ZFPM2: variants seen among roughly 807,000 people sequenced by gnomAD.
The protein encoded by ZFPM2 is zinc finger protein, FOG family member 2, also known as zinc finger protein ZFPM2.
A neutral mutation model predicts 98.6 loss-of-function variants in ZFPM2; 20 were observed. The observed-to-expected ratio is 0.20, with a 90% CI of 0.14 to 0.29. ZFPM2 has a LOEUF of 0.29. Among genes scored for constraint, ZFPM2 ranks in the 10% least tolerant of loss-of-function variants. The probability of loss-of-function intolerance (pLI) is 1.00; values close to 1 mark genes in which losing one functional copy is unlikely to be tolerated. For synonymous variants in ZFPM2, 518 were observed against 502.7 expected, an observed-to-expected ratio of 1.03 and a Z score of -0.41; for missense variants, 1,310 against 1,388.6, an observed-to-expected ratio of 0.94 and a Z score of 0.90.
chr8:105,453,617 C>T (rs1023281684), intron 3 of ZFPM2, among the ~76,000 whole-genome samples: 2 of 151,046 alleles, frequency 1.3e-5, no homozygotes, highest in Admixed American at 6.6e-5. Context: ...ATTTTTTTTT[C>T]TGGAGTTTTT....
intron 4 of ZFPM2, among the ~76,000 whole-genome samples, chr8:105,617,614 G>T (rs922123024): frequency 6.6e-6 from 1 of 152,108 alleles, no homozygotes; most frequent in Non-Finnish European, 1.5e-5. Context: ...AGTATAATGT[G>T]ATGAGGCTGT....
At chr8:105,733,158 C>T (rs570361755) in intron 5 of ZFPM2, among the ~76,000 whole-genome samples, 1 of 151,846 alleles carries the variant, frequency 6.6e-6, no homozygotes, top group Non-Finnish European at 1.5e-5. Flanking sequence ...TGCATAAGCA[C>T]TCACACTGTA....
chr8:105,371,600 G>T (rs1472795918), intron 1 of ZFPM2, among the ~76,000 whole-genome samples: 2 of 152,100 alleles, frequency 1.3e-5, no homozygotes, highest in African/African-American at 4.8e-5. Flanking sequence ...ACTCTCAAGT[G>T]GTTATACAAA....
At chr8:105,779,427 T>A (rs1226983164) in intron 5 of ZFPM2, among the ~76,000 whole-genome samples, 1 of 152,200 alleles carries the variant, frequency 6.6e-6, no homozygotes, top group East Asian at 1.9e-4. Context: ...GAAAGAAACA[T>A]GTATAGACAT....
At chr8:105,712,651 A>T (rs1474615003) in intron 5 of ZFPM2, among the ~76,000 whole-genome samples, 1 of 151,936 alleles carries the variant, frequency 6.6e-6, no homozygotes, top group Non-Finnish European at 1.5e-5. Context: ...GCTTCTACTG[A>T]TCCCATCACC....
intron 3 of ZFPM2, among the ~76,000 whole-genome samples, chr8:105,479,820 C>T (rs1322491224): frequency 6.6e-6 from 1 of 152,136 alleles, no homozygotes; most frequent in African/African-American, 2.4e-5. Context: ...ATTGTGACTT[C>T]AGGCTTGGTG....
intron 1 of ZFPM2, among the ~76,000 whole-genome samples, chr8:105,373,744 G>A (rs1810668459): frequency 1.3e-5 from 2 of 152,152 alleles, no homozygotes; most frequent in South Asian, 2.1e-4. Context: ...AAAGAAAAAT[G>A]GAAACTATGT....
At chr8:105,509,043 C>T (rs896187243) in intron 3 of ZFPM2, among the ~76,000 whole-genome samples, 8 of 151,872 alleles carry the variant, frequency 5.3e-5, no homozygotes, top group Non-Finnish European at 7.4e-5. Context: ...TGCAGTAGAG[C>T]GCCGGGCCCA....
At chr8:105,663,895 T>G (rs577853983) in intron 5 of ZFPM2, among the ~76,000 whole-genome samples, 1 of 152,334 alleles carries the variant, frequency 6.6e-6, no homozygotes, top group Non-Finnish European at 1.5e-5. Context: ...GCAAAGGTAA[T>G]TATGAGAAAT....
At chr8:105,759,602 G>A (rs1205088847) in intron 5 of ZFPM2, among the ~76,000 whole-genome samples, 1 of 151,756 alleles carries the variant, frequency 6.6e-6, no homozygotes, top group Non-Finnish European at 1.5e-5. Flanking sequence ...GTGTGTGTGT[G>A]TGTGTGTGTA....
intron 1 of ZFPM2, 82 bp from the exon 2 acceptor site, chr8:105,419,062 C>T: frequency 8.7e-6 from 12 of 1,386,342 alleles, no homozygotes; most frequent in Non-Finnish European, 1.2e-5. Flanking sequence ...ACCACTGTAA[C>T]AAAAAAAGGC....
At chr8:105,535,479 ACATGTAGTCCAT>A (rs1470028469) in intron 3 of ZFPM2, among the ~76,000 whole-genome samples, 1 of 152,208 alleles carries the variant, frequency 6.6e-6, no homozygotes, top group Non-Finnish European at 1.5e-5. Flanking sequence ...CAGGATTTCA[ACATGTAGTCCAT>A]CATATAAATT....
At chr8:105,492,647 T>C (rs926664568) in intron 3 of ZFPM2, among the ~76,000 whole-genome samples, 4 of 152,148 alleles carry the variant, frequency 2.6e-5, no homozygotes, top group African/African-American at 9.7e-5. Flanking sequence ...ACAGCTTTGC[T>C]CAGCTCAAGG....
intron 3 of ZFPM2, among the ~76,000 whole-genome samples, chr8:105,445,084 T>G (rs562563034): frequency 1.3e-5 from 2 of 152,306 alleles, no homozygotes; most frequent in Admixed American, 1.3e-4. Context: ...ATAAGTGAGT[T>G]CTGAGATAGT....
intron 4 of ZFPM2, among the ~76,000 whole-genome samples, chr8:105,562,878 G>A (rs1315280517): frequency 1.3e-5 from 2 of 152,184 alleles, no homozygotes; most frequent in Non-Finnish European, 2.9e-5. Flanking sequence ...AGGTCAGGAT[G>A]TAAACATCTT....
At chr8:105,569,236 A>G (rs1402064553) in intron 4 of ZFPM2, among the ~76,000 whole-genome samples, 1 of 152,084 alleles carries the variant, frequency 6.6e-6, no homozygotes, top group Non-Finnish European at 1.5e-5. Flanking sequence ...TATCCTTCCC[A>G]CTTAGAACAA....
rs1187935482 is a variant in ZFPM2, at chr8:105,588,626, G to T, written c.420+27145G>T. On this transcript the variant is annotated intron_variant, in intron 4 of 7. Coordinates refer to ENST00000407775, the MANE Select transcript of ZFPM2 (RefSeq NM_012082.4). ...CTTCAATCTCAGTGGAAATGATGATGCTGGAATCAAACTTTCAATCTTCTC... is the reference window on the plus strand; with the variant it reads ...CTTCAATCTCAGTGGAAATGATGATTCTGGAATCAAACTTTCAATCTTCTC... Among the ~76,000 whole-genome samples, 10 of 152,264 alleles carry T rather than the reference G, an allele frequency of 6.6e-5. No homozygotes were observed. The East Asian group carries it at 1.9e-3, about 29-fold the overall frequency.
chr8:105,585,532 T>G (rs548928535), intron 4 of ZFPM2, among the ~76,000 whole-genome samples: 13 of 152,224 alleles, frequency 8.5e-5, no homozygotes, highest in Non-Finnish European at 1.5e-4. Context: ...TTAACAAACA[T>G]TTGTCATTAG....
At chr8:105,676,786 T>G (rs779298227) in intron 5 of ZFPM2, among the ~76,000 whole-genome samples, 32 of 152,202 alleles carry the variant, frequency 2.1e-4, no homozygotes, top group South Asian at 6.2e-4. Context: ...AATGTCTTAG[T>G]TCATGATTAC....
Sources: gnomAD v4.1 joint callset for allele counts (sites outside exome capture counted in the v4.1 genomes callset) on GRCh38, gnomAD v4.1.1 for gene constraint, MANE v1.5 for transcripts, NCBI Gene and HGNC (gene_info 2026-07-23, HGNC 2026-07-21) for gene names.